The following ZMYND11 variants were observed in gnomAD, a reference collection of about 807,000 sequenced individuals.
ZMYND11 encodes the protein zinc finger MYND domain-containing protein 11.
ZMYND11 carries 9 observed loss-of-function variants against 84.9 expected under a neutral mutation model. That is an observed-to-expected ratio of 0.11 (90% CI 0.06 to 0.18). The LOEUF (loss-of-function observed/expected upper bound fraction) is 0.18, where lower values mean the gene tolerates loss of function less well. Among genes scored for constraint, ZMYND11 ranks in the 10% least tolerant of loss-of-function variants. ZMYND11 has a pLI of 1.00. For synonymous variants in ZMYND11, 250 were observed against 244.1 expected, an observed-to-expected ratio of 1.02 and a Z score of -0.23; for missense variants, 409 against 761.0, an observed-to-expected ratio of 0.54 and a Z score of 5.44.
At position 237,669 on chromosome 10, in the gene ZMYND11, A is replaced by G; in HGVS notation, c.601A>G (p.Ile201Val). Residue 201 changes from isoleucine to valine, a missense_variant, in exon 6 of 15, where the codon ATT (isoleucine) becomes GTT (valine). This residue lies in a region of ZMYND11 where 53 missense variants were observed against 71.1 expected (regional missense o/e 0.75). Coordinates refer to ENST00000381604, the MANE Select transcript of ZMYND11 (RefSeq NM_001370100.5). ...LVHSAVDVPT[I>V]QEKVNEGKYR... ...GCACTCAGCTGTGGACGTTCCCACC[A>G]TTCAAGAGGTAAAGTCGGTTTCTTT... The G allele has an allele frequency of 2.5e-6, 4 of 1,608,082 alleles. No homozygotes were observed. The highest frequency in any genetic ancestry group is 3.4e-6 in the Non-Finnish European group (4 of 1,178,156).
At chr10:245,804 C>A (rs1156531520) in intron 10 of ZMYND11, among the ~76,000 whole-genome samples, 1 of 152,176 alleles carries the variant, frequency 6.6e-6, no homozygotes, top group Admixed American at 6.5e-5. Flanking sequence ...TTAGTTCTTT[C>A]TGACAAAATT....
intron 2 of ZMYND11, among the ~76,000 whole-genome samples, chr10:182,026 G>C (rs1029454549): frequency 6.6e-6 from 1 of 152,118 alleles, no homozygotes; most frequent in African/African-American, 2.4e-5. Flanking sequence ...TTTGGATTCA[G>C]CTTTTTAAAT....
At chr10:168,495 G>A (rs1375565605) in intron 1 of ZMYND11, among the ~76,000 whole-genome samples, 3 of 152,002 alleles carry the variant, frequency 2.0e-5, no homozygotes, top group Non-Finnish European at 4.4e-5. Context: ...TTTTGTTGGA[G>A]AAGAGAAAAA....
At position 149,863 on chromosome 10, in the gene ZMYND11, C is replaced by T. The variant is rs146768958; in HGVS notation, c.-20+14304C>T. Among the ~76,000 whole-genome samples the T allele has an allele frequency of 2.1e-3, 315 of 152,236 alleles. 1 individual carries two copies. The highest frequency in any genetic ancestry group is 7.3e-3 in the African/African-American group (302 of 41,550). On this transcript the variant is annotated intron_variant, in intron 1 of 14. Transcript: ENST00000381604. ...CTTCCTTTTTAATGGAACCCTGCTC[C>T]TCAGATAGAGTGGTTTTTGTCTTTG...
At position 185,819 on chromosome 10, in the gene ZMYND11, A is replaced by AG. The variant is rs1411702533; in HGVS notation, c.116+5691_116+5692insG. On this transcript the variant is annotated intron_variant, in intron 2 of 14. Transcript: ENST00000381604. The stretch of plus-strand genomic sequence containing the variant: ...AACGAGTGAAACTCCGTCTCAAAAA[A>AG]ACAAAAAAACAAAAAAACAAAAAAA... Among the ~76,000 whole-genome samples, 420 of 149,382 alleles carry AG rather than the reference A, an allele frequency of 2.8e-3. 11 individuals are homozygous for AG. Among genetic ancestry groups the AG allele is most frequent in the African/African-American group, 9.9e-3 (404 of 40,840 alleles).
chr10:239,063 G>A (rs1466965300), intron 6 of ZMYND11, among the ~76,000 whole-genome samples: 2 of 152,212 alleles, frequency 1.3e-5, no homozygotes, highest in Non-Finnish European at 2.9e-5. Context: ...CTCCTGTGTT[G>A]TAAAGAATGA....
Position 164,263 on chromosome 10 carries a change from C to T in ZMYND11, c.-19-15731C>T, listed in dbSNP as rs139948777. Among the ~76,000 whole-genome samples, 148 of 152,260 alleles carry T rather than the reference C, an allele frequency of 9.7e-4. 3 individuals carry two copies. The East Asian group carries it at 0.026, about 27-fold the overall frequency. On this transcript the variant is annotated intron_variant, in intron 1 of 14. Coordinates refer to ENST00000381604, the MANE Select transcript of ZMYND11 (RefSeq NM_001370100.5). ...ACATACCGAGTTCTTTCTCAATTAA[C>T]GGCTTTTGCATGTGCTTCCCCTTTG...
At chr10:193,486 A>G (rs1270408870) in intron 2 of ZMYND11, among the ~76,000 whole-genome samples, 3 of 152,226 alleles carry the variant, frequency 2.0e-5, no homozygotes, top group Non-Finnish European at 2.9e-5. Context: ...CATTCACTCA[A>G]CAGTCTTCAA....
Position 248,884 on chromosome 10 carries a change from G to T in ZMYND11, c.1501-19G>T. 1 of 1,594,142 alleles carries T rather than the reference G, an allele frequency of 6.3e-7. No individual in the cohort carries two copies. Among genetic ancestry groups the T allele is most frequent in the Non-Finnish European group, 8.5e-7 (1 of 1,169,934 alleles). On this transcript the variant is annotated intron_variant, in intron 13 of 14. Coordinates refer to ENST00000381604, the MANE Select transcript of ZMYND11 (RefSeq NM_001370100.5). ...TTAAGTTGTGTGCTGACGCACTGTG[G>T]GTTGTCTTTTCATTCCAGCTGCGTT...
Position 246,868 on chromosome 10 carries a change from G to A in ZMYND11, c.1053G>A (p.Glu351=), listed in dbSNP as rs1001494680. ...MGWKKACDEL[E]LHQRFLREGR... ...GGAAAAAGGCCTGTGATGAGCTGGAGCTGCATCAGCGTTTCCTACGAGAAG... is the reference window on the plus strand; with the variant it reads ...GGAAAAAGGCCTGTGATGAGCTGGAACTGCATCAGCGTTTCCTACGAGAAG... Residue 351 remains glutamate (E), a synonymous_variant, in exon 11 of 15, where the codon GAG becomes GAA. Transcript: ENST00000381604. 8.1e-6 allele frequency: 13 copies of A among 1,613,996 alleles called. No homozygotes were observed. Among genetic ancestry groups the A allele is most frequent in the Non-Finnish European group, 1.1e-5 (13 of 1,180,024 alleles).
chr10:158,226 T>C (rs1446022064), intron 1 of ZMYND11, among the ~76,000 whole-genome samples: 2 of 152,134 alleles, frequency 1.3e-5, no homozygotes, highest in Non-Finnish European at 2.9e-5. Context: ...TTCAGTTCTT[T>C]CGTGTATATA....
chr10:186,495 G>C (rs953397418), intron 2 of ZMYND11, among the ~76,000 whole-genome samples: 8 of 151,802 alleles, frequency 5.3e-5, no homozygotes, highest in Non-Finnish European at 1.0e-4. Context: ...ACAAAAATTA[G>C]CTAGGCATGG....
At chr10:234,261 C>T (rs1258988845) in intron 4 of ZMYND11, among the ~76,000 whole-genome samples, 4 of 152,234 alleles carry the variant, frequency 2.6e-5, no homozygotes, top group Non-Finnish European at 5.9e-5. Context: ...CAGCGCACGG[C>T]GCCTTGAGAC....
At chr10:160,429 T>C (rs141863646) in intron 1 of ZMYND11, among the ~76,000 whole-genome samples, 2,071 of 152,282 alleles carry the variant, frequency 0.014, 40 homozygotes, top group South Asian at 0.022. Flanking sequence ...GCTGACTGAT[T>C]AGGGTGGTGG....
intron 14 of ZMYND11, among the ~76,000 whole-genome samples, chr10:250,633 CTTCT>C (rs1166002840): frequency 6.6e-6 from 1 of 152,146 alleles, no homozygotes; most frequent in African/African-American, 2.4e-5. Flanking sequence ...TTTTTGTACT[CTTCT>C]TTAAGATGAA....
At chr10:172,632 A>C (rs1175645077) in intron 1 of ZMYND11, among the ~76,000 whole-genome samples, 1 of 152,196 alleles carries the variant, frequency 6.6e-6, no homozygotes, top group Non-Finnish European at 1.5e-5. Context: ...TTCCATGTTC[A>C]TGGATAGGAA....
At chr10:209,834 A>G in intron 2 of ZMYND11, 55 bp from the exon 3 acceptor site, 2 of 1,511,548 alleles carry the variant, frequency 1.3e-6, no homozygotes, top group East Asian at 4.6e-5. Flanking sequence ...ATTTTCATTC[A>G]TTTTTAGTTT....
intron 1 of ZMYND11, among the ~76,000 whole-genome samples, chr10:157,943 T>C (rs1321985877): frequency 1.3e-5 from 2 of 152,254 alleles, no homozygotes; most frequent in African/African-American, 4.8e-5. Flanking sequence ...GGACGTTTCA[T>C]GTAAATGAAA....
chr10:133,510 T>C (rs996173180), upstream of ZMYND11, among the ~76,000 whole-genome samples: 2 of 152,200 alleles, frequency 1.3e-5, no homozygotes. Context: ...AAATGATCCC[T>C]ACAAAGTATA....
Sources: allele counts gnomAD v4.1 joint callset (sites outside exome capture counted in the v4.1 genomes callset), GRCh38; gene constraint gnomAD v4.1.1; regional missense constraint gnomAD v4.1.1; transcripts MANE v1.5; gene names NCBI Gene and HGNC (gene_info 2026-07-23, HGNC 2026-07-21).